LOC128092253: variants seen among roughly 807,000 people sequenced by gnomAD.
chr6:133,960,060 T>C, the LOC128092253 span, among the ~76,000 whole-genome samples: 2 of 152,184 alleles, frequency 1.3e-5, no homozygotes, highest in Admixed American at 6.5e-5. Context: ...ATGGCTGCAG[T>C]GTGTTCCTTG....
the LOC128092253 span, among the ~76,000 whole-genome samples, chr6:133,965,493 C>A: frequency 6.6e-6 from 1 of 152,066 alleles, no homozygotes; most frequent in Non-Finnish European, 1.5e-5. Flanking sequence ...TCAGTCTTTT[C>A]CTGTTTCATT....
the LOC128092253 span, among the ~76,000 whole-genome samples, chr6:133,963,004 C>G: frequency 6.6e-6 from 1 of 152,180 alleles, no homozygotes; most frequent in Non-Finnish European, 1.5e-5. Context: ...CAGAAGTTCC[C>G]AGTGCTTTAT....
At chr6:133,970,525 T>C in the LOC128092253 span, among the ~76,000 whole-genome samples, 22 of 152,134 alleles carry the variant, frequency 1.4e-4, no homozygotes, top group Admixed American at 3.3e-4. Flanking sequence ...TAGAAATTAT[T>C]ATGGAAACTT....
the LOC128092253 span, among the ~76,000 whole-genome samples, chr6:133,958,780 ATAT>A: frequency 6.6e-6 from 1 of 152,126 alleles, no homozygotes; most frequent in Non-Finnish European, 1.5e-5. Context: ...TATATAAAAT[ATAT>A]TATTAAAAGC....
At chr6:133,970,526 A>C in the LOC128092253 span, among the ~76,000 whole-genome samples, 3 of 152,148 alleles carry the variant, frequency 2.0e-5, no homozygotes, top group East Asian at 5.8e-4. Context: ...AGAAATTATT[A>C]TGGAAACTTT....
the LOC128092253 span, among the ~76,000 whole-genome samples, chr6:133,965,896 T>G: frequency 6.6e-6 from 1 of 152,178 alleles, no homozygotes; most frequent in Non-Finnish European, 1.5e-5. Context: ...GCCAAGCGCT[T>G]TATATGAAAT....
chr6:133,957,566 A>C, the LOC128092253 span, among the ~76,000 whole-genome samples: 1 of 152,198 alleles, frequency 6.6e-6, no homozygotes, highest in Non-Finnish European at 1.5e-5. Context: ...AATTACAAGT[A>C]TTTTCACTGT....
At chr6:133,954,175 A>G in the LOC128092253 span, among the ~76,000 whole-genome samples, 1 of 152,228 alleles carries the variant, frequency 6.6e-6, no homozygotes, top group East Asian at 1.9e-4. Flanking sequence ...AATAAGACTC[A>G]AACTGCAGTC....
the LOC128092253 span, among the ~76,000 whole-genome samples, chr6:133,966,343 A>G: frequency 1.7e-4 from 26 of 152,330 alleles, no homozygotes; most frequent in East Asian, 2.1e-3. Flanking sequence ...AAACTGTGAT[A>G]TAAGTATGTA....
chr6:133,961,498 G>A, the LOC128092253 span, among the ~76,000 whole-genome samples: 61 of 126,870 alleles, frequency 4.8e-4, no homozygotes, highest in African/African-American at 1.8e-3. Flanking sequence ...AGACGGAGTC[G>A]TGCTCTGTCA....
At chr6:133,976,597 C>G in the LOC128092253 span, among the ~76,000 whole-genome samples, 1 of 152,138 alleles carries the variant, frequency 6.6e-6, no homozygotes. Context: ...CTTTGAACTA[C>G]TAATATTTAG....
At chr6:133,963,026 G>A in the LOC128092253 span, among the ~76,000 whole-genome samples, 2 of 152,206 alleles carry the variant, frequency 1.3e-5, no homozygotes, top group African/African-American at 4.8e-5. Flanking sequence ...CTCTAGAGTA[G>A]GAGGGAGTTT....
the LOC128092253 span, among the ~76,000 whole-genome samples, chr6:133,968,637 C>A: frequency 1.3e-5 from 2 of 152,086 alleles, no homozygotes; most frequent in African/African-American, 4.8e-5. Flanking sequence ...GCTTCCATTA[C>A]AATTGATGTC....
the LOC128092253 span, among the ~76,000 whole-genome samples, chr6:133,954,049 T>G: frequency 6.6e-6 from 1 of 151,926 alleles, no homozygotes; most frequent in Non-Finnish European, 1.5e-5. Context: ...TCGGGATAAG[T>G]GATAAAAATA....
chr6:133,965,668 A>G, the LOC128092253 span, among the ~76,000 whole-genome samples: 4 of 151,838 alleles, frequency 2.6e-5, no homozygotes, highest in Non-Finnish European at 5.9e-5. Flanking sequence ...CATTTCACTT[A>G]ACAGATACAT....
the LOC128092253 span, among the ~76,000 whole-genome samples, chr6:133,962,392 C>T: frequency 6.6e-6 from 1 of 152,086 alleles, no homozygotes; most frequent in African/African-American, 2.4e-5. Context: ...TAAAATAAAA[C>T]GTTGCTTTGG....
the LOC128092253 span, among the ~76,000 whole-genome samples, chr6:133,979,662 G>C: frequency 6.6e-6 from 1 of 152,076 alleles, no homozygotes; most frequent in African/African-American, 2.4e-5. Context: ...TGGTTTGTTT[G>C]TTTTGACAGA....
the LOC128092253 span, among the ~76,000 whole-genome samples, chr6:133,968,101 C>T: frequency 6.6e-6 from 1 of 151,780 alleles, no homozygotes; most frequent in Non-Finnish European, 1.5e-5. Flanking sequence ...CTGCATCTGC[C>T]TCAGCCTCCC....
At chr6:133,960,683 A>G in the LOC128092253 span, among the ~76,000 whole-genome samples, 1 of 152,136 alleles carries the variant, frequency 6.6e-6, no homozygotes, top group Non-Finnish European at 1.5e-5. Flanking sequence ...CTCTTTGGGT[A>G]TAGAGGAAAA....
Sources: gnomAD v4.1 joint callset for allele counts (sites outside exome capture counted in the v4.1 genomes callset) on GRCh38, gnomAD v4.1.1 for gene constraint, MANE v1.5 for transcripts.